Variants in GFRA1 observed in about 807,000 individuals in gnomAD.
GFRA1 encodes GDNF family receptor alpha 1.
A neutral mutation model predicts 51.6 loss-of-function variants in GFRA1; 16 were observed. That is an observed-to-expected ratio of 0.31 (90% CI 0.21 to 0.47). The LOEUF is 0.47. GFRA1 is among the 20% of genes least tolerant of loss of function. GFRA1 has a pLI of 1.00. For synonymous variants in GFRA1, 270 were observed against 241.3 expected (o/e 1.12, Z -1.10); for missense variants, 530 against 594.3 (o/e 0.89, Z 1.13).
chr10:116,266,737 A>G (rs1285028021), intron 4 of GFRA1, among the ~76,000 whole-genome samples: 1 of 152,230 alleles, frequency 6.6e-6, no homozygotes, highest in Non-Finnish European at 1.5e-5. Context: ...AACTTGGCCC[A>G]TGCAGAAGAA....
chr10:116,151,686 G>C (rs1188356770), intron 5 of GFRA1, among the ~76,000 whole-genome samples: 1 of 152,108 alleles, frequency 6.6e-6, no homozygotes, highest in Non-Finnish European at 1.5e-5. Context: ...ACCAAGGGGA[G>C]GAAGCAGGAG....
chr10:116,169,783 G>A (rs1431272645), intron 5 of GFRA1, among the ~76,000 whole-genome samples: 2 of 152,080 alleles, frequency 1.3e-5, no homozygotes, highest in African/African-American at 4.8e-5. Flanking sequence ...CATTCCTCTT[G>A]GGCACTAGAC....
rs544674277 is a variant in GFRA1 at position 116,259,510 on chromosome 10, G to A, written c.418+9993C>T. Among the ~76,000 whole-genome samples, 34 of 152,212 alleles carry A rather than the reference G, an allele frequency of 2.2e-4. No individual in the cohort carries two copies. The East Asian group carries it at 3.7e-3, about 16-fold the overall frequency. On this transcript the variant is annotated intron_variant, in intron 4 of 10. Transcript: ENST00000355422. ...TGCAGGAATGGTTTTAATAGTACGC[G>A]TGTTCTGGATTTTGGTTGTCAATTA...
At chr10:116,162,180 A>G (rs1959884562) in intron 5 of GFRA1, among the ~76,000 whole-genome samples, 1 of 152,206 alleles carries the variant, frequency 6.6e-6, no homozygotes, top group South Asian at 2.1e-4. Context: ...TGGGTTCACC[A>G]GCAGTAGTTG....
chr10:116,092,332 A>T (rs1053796777), intron 8 of GFRA1, among the ~76,000 whole-genome samples: 1 of 152,140 alleles, frequency 6.6e-6, no homozygotes, highest in South Asian at 2.1e-4. Flanking sequence ...CTGGTAAGCA[A>T]ATGACTTCAA....
At position 116,062,618 on chromosome 10, in the gene GFRA1, C is replaced by G. The variant is rs1013399887; in HGVS notation, c.*1780G>C. On this transcript the variant is annotated 3_prime_UTR_variant, in exon 11 of 11. Coordinates refer to ENST00000355422, the MANE Select transcript of GFRA1 (RefSeq NM_005264.8). ...CAAAGGGGATCTGTAGAAATGTGCACCCTGGTTTCCTCCTCCATCTCTTCT... is the reference window on the plus strand; with the variant it reads ...CAAAGGGGATCTGTAGAAATGTGCAGCCTGGTTTCCTCCTCCATCTCTTCT... 2 of 152,290 alleles carry G rather than the reference C, an allele frequency of 1.3e-5. No homozygotes were observed. Among genetic ancestry groups the G allele is most frequent in the African/African-American group, 4.8e-5 (2 of 41,440 alleles). The allele number at this position is 152,290 out of a possible 1,614,324, so 9.4% of individuals were successfully genotyped here. A position where few individuals can be genotyped will look rare whatever the true frequency, so the allele number is the denominator to read the frequency against.
At position 116,205,596 on chromosome 10, in the gene GFRA1, G is replaced by GATATAT. The variant is rs140642664; in HGVS notation, c.433+6029_433+6034dup. Among the ~76,000 whole-genome samples, 145 of 140,584 alleles carry GATATAT rather than the reference G, an allele frequency of 1.0e-3. 1 individual carries two copies. In the East Asian group the frequency reaches 0.023, roughly 22 times the overall value. The allele number at this position is 140,584 out of a possible 152,430, so 92.2% of individuals were successfully genotyped here. On this transcript the variant is annotated intron_variant, in intron 5 of 10. Coordinates refer to ENST00000355422, the MANE Select transcript of GFRA1 (RefSeq NM_005264.8). ...CTCAAAAAAGAAAGGAAAAAAAAAAGATATATATATATATATATATATATA... is the reference window on the plus strand; with the variant it reads ...CTCAAAAAAGAAAGGAAAAAAAAAAGATATATATATATATATATATATATATATATA...
At chr10:116,174,357 C>T (rs1208084223) in intron 5 of GFRA1, among the ~76,000 whole-genome samples, 1 of 152,158 alleles carries the variant, frequency 6.6e-6, no homozygotes, top group Non-Finnish European at 1.5e-5. Flanking sequence ...TGTGAATCTT[C>T]CAACTAGTCT....
At chr10:116,117,511 T>G (rs1957457006) in intron 6 of GFRA1, among the ~76,000 whole-genome samples, 1 of 81,908 alleles carries the variant, frequency 1.2e-5, no homozygotes, top group Non-Finnish European at 2.5e-5. Context: ...CCTGGCACAG[T>G]AAGTGCAGGC....
chr10:116,196,103 T>TA (rs1258004928), intron 5 of GFRA1, among the ~76,000 whole-genome samples: 17 of 148,078 alleles, frequency 1.1e-4, no homozygotes, highest in South Asian at 4.3e-4. Flanking sequence ...AAGGAACAAG[T>TA]AAAAAAAAAT....
chr10:116,118,896 G>C (rs551000204), intron 6 of GFRA1, among the ~76,000 whole-genome samples: 1 of 152,330 alleles, frequency 6.6e-6, no homozygotes, highest in East Asian at 1.9e-4. Flanking sequence ...CAGCTGGAGA[G>C]AGGGAGAACA....
chr10:116,172,719 C>T (rs1331893821), intron 5 of GFRA1, among the ~76,000 whole-genome samples: 1 of 152,126 alleles, frequency 6.6e-6, no homozygotes, highest in African/African-American at 2.4e-5. Flanking sequence ...CAGCAGGACT[C>T]AGCAGATATA....
At chr10:116,185,364 C>T (rs1341959210) in intron 5 of GFRA1, among the ~76,000 whole-genome samples, 1 of 152,070 alleles carries the variant, frequency 6.6e-6, no homozygotes, top group Non-Finnish European at 1.5e-5. Context: ...ATTAACAGTG[C>T]CACCCACATT....
Position 116,089,922 on chromosome 10 carries a change from T to C in GFRA1, c.1016A>G (p.Lys339Arg), listed in dbSNP as rs772840914. The change falls in exon 9 of 11, where the codon AAA becomes AGA. Residue 339 changes from lysine to arginine, a missense_variant and splice_region_variant. By Grantham distance (26) the Lys-to-Arg change is conservative. Transcript: ENST00000355422. Reference sequence around the variant, plus strand: ...ATTGCCAAAGGCTTGAATTGCATTTTCTGCAGTAAAACAGGAGGAAATCCA... The same window carrying C: ...ATTGCCAAAGGCTTGAATTGCATTTCCTGCAGTAAAACAGGAGGAAATCCA... ...LNFFKDNTCL[K>R]NAIQAFGNGS... 1 of 1,611,628 alleles carries C rather than the reference T, an allele frequency of 6.2e-7. No homozygotes were observed. Among genetic ancestry groups the C allele is most frequent in the Non-Finnish European group, 8.5e-7 (1 of 1,178,824 alleles).
intron 5 of GFRA1, among the ~76,000 whole-genome samples, chr10:116,179,601 G>C (rs757814362): frequency 6.6e-6 from 1 of 152,174 alleles, no homozygotes; most frequent in African/African-American, 2.4e-5. Context: ...CACCTGAGCT[G>C]GACACTGGAG....
intron 6 of GFRA1, among the ~76,000 whole-genome samples, chr10:116,109,661 C>A (rs1302086970): frequency 6.6e-6 from 1 of 152,106 alleles, no homozygotes; most frequent in Non-Finnish European, 1.5e-5. Context: ...CCCGGGCCCA[C>A]GGGGAGAAAC....
intron 6 of GFRA1, among the ~76,000 whole-genome samples, chr10:116,104,132 T>C (rs1196701987): frequency 6.6e-6 from 1 of 152,180 alleles, no homozygotes; most frequent in Non-Finnish European, 1.5e-5. Flanking sequence ...AGGTTCCCAC[T>C]GGTAGTGGGA....
In GFRA1 at chr10:116,125,400, C is replaced by T. The variant is rs780959193; in HGVS notation, c.591G>A (p.Arg197=). ...CNRRKCHKAL[R]QFFDKVPAKH... is the part of the protein sequence containing the mutation. ...TGGCCGGGACCTTGTCAAAGAACTGCCGGAGGGCCTTGTGGCACTTGCGGC... is the reference window on the plus strand; with the variant it reads ...TGGCCGGGACCTTGTCAAAGAACTGTCGGAGGGCCTTGTGGCACTTGCGGC... Residue 197 remains arginine, a synonymous_variant, in exon 6 of 11, where the codon CGG becomes CGA. Transcript: ENST00000355422. 97 of 1,614,122 alleles carry T rather than the reference C, an allele frequency of 6.0e-5. No individual in the cohort carries two copies. The highest frequency in any genetic ancestry group is 3.3e-4 in the Middle Eastern group (2 of 6,082).
At chr10:116,136,482 C>G (rs1274783552) in intron 5 of GFRA1, among the ~76,000 whole-genome samples, 2 of 152,172 alleles carry the variant, frequency 1.3e-5, no homozygotes, top group East Asian at 1.9e-4. Flanking sequence ...TCCAAAACCC[C>G]CCTCTTCCCC....
Sources: allele counts gnomAD v4.1 joint callset (sites outside exome capture counted in the v4.1 genomes callset), GRCh38; gene constraint gnomAD v4.1.1; transcripts MANE v1.5; gene names NCBI Gene and HGNC (gene_info 2026-07-23, HGNC 2026-07-21).